Variants in ABCB5 observed in about 807,000 individuals in gnomAD.
ABCB5 encodes ATP-binding cassette sub-family B member 5.
In ABCB5, 155 loss-of-function variants were observed where a neutral mutation model predicts 144.2. The ratio of observed to expected loss-of-function variants is 1.08; its 90% CI spans 0.94 to 1.23. The LOEUF (loss-of-function observed/expected upper bound fraction) is 1.23. Among genes scored for constraint, ABCB5 ranks in the 50% most tolerant of loss-of-function variants. The probability of loss-of-function intolerance (pLI) is 0.00; values close to 1 mark genes in which losing one functional copy is unlikely to be tolerated. For synonymous variants in ABCB5, 610 were observed against 528.6 expected, an observed-to-expected ratio of 1.15 and a Z score of -2.11; for missense variants, 1,830 against 1,520.8, an observed-to-expected ratio of 1.20 and a Z score of -3.38.
At chr7:20,626,658 A>G in intron 3 of ABCB5, 47 bp downstream of exon 3, 3 of 1,513,606 alleles carry the variant, frequency 2.0e-6, no homozygotes, top group Non-Finnish European at 2.7e-6. Flanking sequence ...GATTTTAGAG[A>G]CTTGTCAGTA....
chr7:20,641,901 G>T (rs933845924), intron 5 of ABCB5: 3 of 152,406 alleles, frequency 2.0e-5, no homozygotes, highest in African/African-American at 7.2e-5. Flanking sequence ...AGCAGAGAAA[G>T]TTGGTTGTTC....
intron 13 of ABCB5, among the ~76,000 whole-genome samples, chr7:20,656,616 T>C (rs189554061): frequency 2.6e-5 from 4 of 152,276 alleles, no homozygotes; most frequent in Admixed American, 2.6e-4. Flanking sequence ...AATGTAACTT[T>C]TGGTGATGAT....
rs1271381616 is a variant in ABCB5 at position 20,728,330 on chromosome 7, A to T, written c.2742A>T (p.Lys914Asn). Residue 914 changes from lysine to asparagine, a missense_variant, in exon 23 of 28, where the codon AAA (lysine) becomes AAT (asparagine). Physicochemically the swap from Lys to Asn is moderately conservative, Grantham distance 94. Transcript: ENST00000404938. ...LQTQHRNTSK[K>N]AQIIGSCYAF... ...TACATTCCAGAAATACCTCGAAGAA[A>T]GCACAGATTATTGGAAGCTGTTATG... The T allele has an allele frequency of 6.2e-7, 1 of 1,613,928 alleles. No homozygotes were observed.
chr7:20,659,001 C>T, intron 14 of ABCB5: 1 of 1,558,138 alleles, frequency 6.4e-7, no homozygotes, highest in Non-Finnish European at 8.9e-7. Flanking sequence ...TATAACCATG[C>T]CCACCCTTTG....
At chr7:20,637,944 T>G (rs1784202370) in intron 5 of ABCB5, among the ~76,000 whole-genome samples, 1 of 152,110 alleles carries the variant, frequency 6.6e-6, no homozygotes, top group South Asian at 2.1e-4. Context: ...TGGCTTCATT[T>G]CTTGATGCAA....
intron 27 of ABCB5, among the ~76,000 whole-genome samples, chr7:20,754,633 T>A (rs1783028822): frequency 6.6e-6 from 1 of 152,146 alleles, no homozygotes; most frequent in South Asian, 2.1e-4. Flanking sequence ...TACAGCTAAA[T>A]CCTACCAAAA....
chr7:20,707,267 G>C (rs1206613957), intron 20 of ABCB5, among the ~76,000 whole-genome samples: 1 of 152,042 alleles, frequency 6.6e-6, no homozygotes, highest in African/African-American at 2.4e-5. Flanking sequence ...GACTGTAAAG[G>C]TATTCCTCTG....
At chr7:20,654,351 A>T (rs1222934768) in intron 13 of ABCB5, among the ~76,000 whole-genome samples, 1 of 152,210 alleles carries the variant, frequency 6.6e-6, no homozygotes. Flanking sequence ...CTTTAAGAAA[A>T]GGGCTTCAAA....
rs1202406601 is a variant in ABCB5, at chr7:20,755,835, G to A, written c.*211G>A. The stretch of plus-strand genomic sequence containing the variant: ...GCTTATTTCATGTAAGTGAAATAAT[G>A]CTTATATCCTTCACTTTATAAAACT... On this transcript the variant is annotated 3_prime_UTR_variant, in exon 28 of 28. Coordinates refer to ENST00000404938, the MANE Select transcript of ABCB5 (RefSeq NM_001163941.2). 1.9e-6 allele frequency: 1 copy of A among 525,024 alleles called. No homozygotes were observed. The highest frequency in any genetic ancestry group is 3.4e-6 in the Non-Finnish European group (1 of 296,638). The allele number at this position is 525,024 out of a possible 1,614,324, so 32.5% of individuals were successfully genotyped here. A position where few individuals can be genotyped will look rare whatever the true frequency, so the allele number is the denominator to read the frequency against.
intron 20 of ABCB5, among the ~76,000 whole-genome samples, chr7:20,708,089 C>A (rs1482397047): frequency 3.9e-5 from 6 of 152,046 alleles, no homozygotes; most frequent in South Asian, 2.1e-4. Flanking sequence ...CAGGCGTGAG[C>A]CACCGCGCCC....
chr7:20,641,049 T>G (rs1476102932), intron 5 of ABCB5, among the ~76,000 whole-genome samples: 1 of 152,126 alleles, frequency 6.6e-6, no homozygotes, highest in Non-Finnish European at 1.5e-5. Context: ...CAAATCCACA[T>G]CCCCAGCCTA....
At chr7:20,649,686 C>A (rs1353525914) in intron 11 of ABCB5, among the ~76,000 whole-genome samples, 1 of 152,182 alleles carries the variant, frequency 6.6e-6, no homozygotes, top group African/African-American at 2.4e-5. Context: ...GGCAAGATCT[C>A]ATTTACTTGT....
intron 21 of ABCB5, among the ~76,000 whole-genome samples, chr7:20,724,049 C>G (rs1400542866): frequency 2.6e-5 from 4 of 152,006 alleles, no homozygotes; most frequent in Non-Finnish European, 4.4e-5. Flanking sequence ...AGTAGGAGTC[C>G]CTTGCACAAC....
chr7:20,642,288 A>T (rs1784310775), intron 5 of ABCB5, among the ~76,000 whole-genome samples: 1 of 152,334 alleles, frequency 6.6e-6, no homozygotes, highest in East Asian at 1.9e-4. Flanking sequence ...AATGTGCTAA[A>T]CAACTTTTTT....
chr7:20,618,252 T>C (rs1783730462), intron 1 of ABCB5, among the ~76,000 whole-genome samples: 1 of 152,176 alleles, frequency 6.6e-6, no homozygotes. Context: ...TTTTTCTCTA[T>C]GGATTTGCCT....
chr7:20,692,509 GA>G (rs1162387506), intron 16 of ABCB5, among the ~76,000 whole-genome samples: 2 of 150,872 alleles, frequency 1.3e-5, no homozygotes. Context: ...TGAGCAGAAG[GA>G]AAGTGATACT....
At chr7:20,622,818 C>A (rs924202729) in intron 1 of ABCB5, among the ~76,000 whole-genome samples, 1 of 151,996 alleles carries the variant, frequency 6.6e-6, no homozygotes, top group Non-Finnish European at 1.5e-5. Context: ...TTGTTTGTTT[C>A]GTAAACTAGA....
chr7:20,738,917 T>C (rs943613526), intron 23 of ABCB5, 66 bp from the exon 24 acceptor site: 33 of 1,466,334 alleles, frequency 2.3e-5, no homozygotes, highest in Admixed American at 1.5e-4. Flanking sequence ...TTTCTTTACT[T>C]TTAGAGTTCT....
At chr7:20,679,394 C>A (rs543724193) in intron 14 of ABCB5, among the ~76,000 whole-genome samples, 1 of 144,572 alleles carries the variant, frequency 6.9e-6, no homozygotes, top group Non-Finnish European at 1.5e-5. Flanking sequence ...TTGCTTGAAC[C>A]TGGGAGGCAG....
Sources: allele counts gnomAD v4.1 joint callset (sites outside exome capture counted in the v4.1 genomes callset), GRCh38; gene constraint gnomAD v4.1.1; transcripts MANE v1.5; gene names NCBI Gene and HGNC (gene_info 2026-07-23, HGNC 2026-07-21).